MARCHF1: variants seen among roughly 807,000 people sequenced by gnomAD.
MARCHF1 encodes the protein E3 ubiquitin-protein ligase MARCHF1.
A neutral mutation model predicts 54.2 loss-of-function variants in MARCHF1; 40 were observed. That is an observed-to-expected ratio of 0.74 (90% CI 0.57 to 0.96). The LOEUF is 0.96. MARCHF1 is among the 40% of genes least tolerant of loss of function. MARCHF1 has a pLI of 0.00. For missense variants in MARCHF1, 586 were observed against 656.5 expected (o/e 0.89, Z 1.17); for synonymous variants, 236 against 236.3 (o/e 1.00, Z 0.01).
intron 1 of MARCHF1, among the ~76,000 whole-genome samples, chr4:164,140,239 CTATA>C (rs70948702): frequency 3.4e-5 from 5 of 147,382 alleles, no homozygotes; most frequent in East Asian, 2.0e-4. Context: ...TACACACACA[CTATA>C]TATATATATA....
At chr4:163,868,012 T>C (rs1750091604) in intron 3 of MARCHF1, among the ~76,000 whole-genome samples, 1 of 151,810 alleles carries the variant, frequency 6.6e-6, no homozygotes, top group Non-Finnish European at 1.5e-5. Flanking sequence ...CTGAACTTGG[T>C]AGTTTGTTTA....
At chr4:163,930,483 T>C (rs1004602273) in intron 3 of MARCHF1, among the ~76,000 whole-genome samples, 2 of 151,392 alleles carry the variant, frequency 1.3e-5, no homozygotes, top group Non-Finnish European at 3.0e-5. Flanking sequence ...ATGGTGTTTT[T>C]TTTTTTTTTT....
chr4:163,650,389 G>A (rs778712062), intron 5 of MARCHF1, among the ~76,000 whole-genome samples: 10 of 151,894 alleles, frequency 6.6e-5, no homozygotes, highest in African/African-American at 2.2e-4. Flanking sequence ...TTTGGAGTCC[G>A]ACAAACCTGT....
At chr4:164,001,938 T>C (rs555709809) in intron 2 of MARCHF1, among the ~76,000 whole-genome samples, 14 of 151,970 alleles carry the variant, frequency 9.2e-5, no homozygotes, top group Non-Finnish European at 1.8e-4. Flanking sequence ...TTACACAGAC[T>C]TCAAGTTTTA....
rs981809860 is a variant in MARCHF1, at chr4:163,525,299, G to A, written c.*3449C>T. ...TTTAAAGAGTACCCAAGGACCTTTT[G>A]TAAAACAAGATAAAAAACCATGAGG... On this transcript the variant is annotated 3_prime_UTR_variant, in exon 10 of 10. Coordinates refer to ENST00000514618, the MANE Select transcript of MARCHF1 (RefSeq NM_001394959.1). 1 of 152,000 alleles carries A rather than the reference G, an allele frequency of 6.6e-6. No individual in the cohort carries two copies. The highest frequency in any genetic ancestry group is 2.4e-5 in the African/African-American group (1 of 41,388). 9.4% of individuals were successfully genotyped at this position (152,000 alleles called of 1,614,324 possible).
intron 2 of MARCHF1, among the ~76,000 whole-genome samples, chr4:164,061,315 T>C (rs1291265882): frequency 6.6e-6 from 1 of 151,962 alleles, no homozygotes; most frequent in Admixed American, 6.6e-5. Flanking sequence ...TCCCCACTTT[T>C]ATTATTTTTG....
chr4:164,224,742 T>C (rs765263750), intron 1 of MARCHF1, among the ~76,000 whole-genome samples: 1 of 152,046 alleles, frequency 6.6e-6, no homozygotes, highest in Non-Finnish European at 1.5e-5. Context: ...TATTTTAATA[T>C]AGTGCAATTC....
At chr4:163,872,776 G>A (rs1356161615) in intron 3 of MARCHF1, among the ~76,000 whole-genome samples, 1 of 152,126 alleles carries the variant, frequency 6.6e-6, no homozygotes, top group Non-Finnish European at 1.5e-5. Context: ...CGGGCGCGGT[G>A]GCTCACGCCT....
At chr4:163,931,712 T>C (rs1454209956) in intron 3 of MARCHF1, among the ~76,000 whole-genome samples, 3 of 151,808 alleles carry the variant, frequency 2.0e-5, no homozygotes, top group African/African-American at 7.3e-5. Context: ...GGGGGTGGGG[T>C]TTATCCAATC....
chr4:163,594,219 C>T (rs979809460), intron 7 of MARCHF1, among the ~76,000 whole-genome samples: 3 of 151,994 alleles, frequency 2.0e-5, no homozygotes, highest in Non-Finnish European at 4.4e-5. Context: ...GTAGAATATA[C>T]TAGGCATAGA....
At chr4:164,055,053 G>A (rs1304861038) in intron 2 of MARCHF1, 1 of 151,930 alleles carries the variant, frequency 6.6e-6, no homozygotes, top group Non-Finnish European at 1.5e-5. Context: ...AAGCAGGAGG[G>A]GTAAAAAATA....
intron 3 of MARCHF1, among the ~76,000 whole-genome samples, chr4:163,860,653 T>C (rs964022214): frequency 6.6e-6 from 1 of 152,162 alleles, no homozygotes; most frequent in African/African-American, 2.4e-5. Flanking sequence ...ATACTTCTCC[T>C]CTACTGTAAC....
At chr4:164,375,896 T>A (rs760330267) in intron 1 of MARCHF1, among the ~76,000 whole-genome samples, 2 of 152,202 alleles carry the variant, frequency 1.3e-5, no homozygotes, top group Non-Finnish European at 2.9e-5. Context: ...TTCCTTCAGA[T>A]GTCAGGTAAA....
intron 3 of MARCHF1, among the ~76,000 whole-genome samples, chr4:163,973,552 G>A (rs1286394062): frequency 3.3e-5 from 5 of 152,200 alleles, no homozygotes; most frequent in African/African-American, 9.6e-5. Context: ...ACATAGCCAT[G>A]CCCGGAAACG....
chr4:163,649,675 T>C (rs911592401), intron 5 of MARCHF1, among the ~76,000 whole-genome samples: 2 of 151,968 alleles, frequency 1.3e-5, no homozygotes, highest in African/African-American at 4.8e-5. Context: ...AAAAACCGCA[T>C]GGGACTTTTT....
intron 3 of MARCHF1, among the ~76,000 whole-genome samples, chr4:163,939,258 G>A (rs1751861229): frequency 6.6e-6 from 1 of 152,114 alleles, no homozygotes; most frequent in Non-Finnish European, 1.5e-5. Flanking sequence ...CTCACTATGT[G>A]AGCTGATCCC....
At chr4:163,718,875 C>T (rs560192835) in intron 4 of MARCHF1, among the ~76,000 whole-genome samples, 2 of 152,304 alleles carry the variant, frequency 1.3e-5, no homozygotes, top group South Asian at 2.1e-4. Flanking sequence ...TAGGTGTTAG[C>T]ATCTGCTATT....
chr4:163,685,799 A>G (rs1256988200), intron 5 of MARCHF1, among the ~76,000 whole-genome samples: 1 of 152,154 alleles, frequency 6.6e-6, no homozygotes, highest in Non-Finnish European at 1.5e-5. Context: ...CTTTGATAGT[A>G]TTGGTCCTAC....
chr4:163,922,724 A>T (rs1200997850), intron 3 of MARCHF1, among the ~76,000 whole-genome samples: 1 of 152,056 alleles, frequency 6.6e-6, no homozygotes, highest in Non-Finnish European at 1.5e-5. Flanking sequence ...GTTCACTAAA[A>T]GCAACTAATT....
Sources: gnomAD v4.1 joint callset for allele counts (sites outside exome capture counted in the v4.1 genomes callset) on GRCh38, gnomAD v4.1.1 for gene constraint, MANE v1.5 for transcripts, NCBI Gene and HGNC (gene_info 2026-07-23, HGNC 2026-07-21) for gene names.